LRRC4: variants seen among roughly 807,000 people sequenced by gnomAD.
LRRC4 encodes leucine rich repeat containing 4.
Under a neutral mutation model 37.9 loss-of-function variants are expected in LRRC4, and 11 were observed. That is an observed-to-expected ratio of 0.29 (90% CI 0.18 to 0.48). LRRC4 has a LOEUF of 0.48. LRRC4 is among the 20% of genes least tolerant of loss of function. LRRC4 has a pLI of 0.99. For synonymous variants in LRRC4, 404 were observed against 346.7 expected (o/e 1.17, Z -1.84); for missense variants, 717 against 842.1 (o/e 0.85, Z 1.84).
In LRRC4 at chr7:128,030,663, C is replaced by G; in HGVS notation, c.-23G>C. The stretch of plus-strand genomic sequence containing the variant: ...CATGGTGTGGCACGTTCATAATTCA[C>G]CATCGCCTGGGATTTTGGCTCGGAA... On this transcript the variant is annotated 5_prime_UTR_variant, in exon 2 of 2. Coordinates refer to ENST00000249363, the MANE Select transcript of LRRC4 (RefSeq NM_022143.5). 1.3e-6 allele frequency: 2 copies of G among 1,527,948 alleles called. No individual in the cohort carries two copies. The highest frequency in any genetic ancestry group is 2.6e-5 in the South Asian group (2 of 78,286). 94.6% of individuals were successfully genotyped at this position (1,527,948 alleles called of 1,614,324 possible). A position where few individuals can be genotyped will look rare whatever the true frequency, so the allele number is the denominator to read the frequency against.
At position 128,028,608 on chromosome 7, in the gene LRRC4, C is replaced by T; in HGVS notation, c.*71G>A. On this transcript the variant is annotated 3_prime_UTR_variant, in exon 2 of 2. Transcript: ENST00000249363. ...AGCATATACAAGAAAAAGTCTCTCCCCACTCTGTACAAAAGTTGCTGTCTT... is the reference window on the plus strand; with the variant it reads ...AGCATATACAAGAAAAAGTCTCTCCTCACTCTGTACAAAAGTTGCTGTCTT... The T allele has an allele frequency of 1.4e-6, 2 of 1,424,492 alleles. No individual in the cohort carries two copies. The highest frequency in any genetic ancestry group is 1.9e-6 in the Non-Finnish European group (2 of 1,042,392). The allele number at this position is 1,424,492 out of a possible 1,614,324, so 88.2% of individuals were successfully genotyped here. A position where few individuals can be genotyped will look rare whatever the true frequency, so the allele number is the denominator to read the frequency against.
At chr7:128,031,827 T>G (rs1187090555), upstream of LRRC4, among the ~76,000 whole-genome samples, 2 of 149,446 alleles carry the variant, frequency 1.3e-5, no homozygotes, top group Non-Finnish European at 3.0e-5. Context: ...GCTCCGGCTT[T>G]GTGCGGAGGG....
Position 128,028,547 on chromosome 7 carries a change from CT to C in LRRC4, c.*131del. 1 of 780,154 alleles carries C rather than the reference CT, an allele frequency of 1.3e-6. No individual in the cohort carries two copies. The highest frequency in any genetic ancestry group is 1.9e-6 in the Non-Finnish European group (1 of 519,640). 48.3% of individuals were successfully genotyped at this position (780,154 alleles called of 1,614,324 possible). A position where few individuals can be genotyped will look rare whatever the true frequency, so the allele number is the denominator to read the frequency against. ...TTTTGTCTTTAAATTTTAATATAATCTGTTTTTTTTAACCAGCCCATAGACT... is the reference window on the plus strand; with the variant it reads ...TTTTGTCTTTAAATTTTAATATAATCGTTTTTTTTAACCAGCCCATAGACT... On this transcript the variant is annotated 3_prime_UTR_variant, in exon 2 of 2. Transcript: ENST00000249363.
upstream of LRRC4, chr7:128,031,715 C>CCGGGGGCGGGCGCGGGTCCGGCGG (rs1792610373): frequency 1.4e-5 from 2 of 143,456 alleles, no homozygotes; most frequent in Admixed American, 6.9e-5. Flanking sequence ...TTCAGAGAGT[C>CCGGGGGCGGGCGCGGGTCCGGCGG]CGGGGGCGGG....
Position 128,027,783 on chromosome 7 carries a change from C to G in LRRC4, c.*896G>C, listed in dbSNP as rs551448221. On this transcript the variant is annotated 3_prime_UTR_variant, in exon 2 of 2. Transcript: ENST00000249363. ...ATTTATGGCCTCCTGTGAATACATT[C>G]TCTCTGCTTTACCCTCCCTTCCCAC... 6.6e-6 allele frequency: 1 copy of G among 152,328 alleles called. No individual in the cohort carries two copies. Among genetic ancestry groups the G allele is most frequent in the East Asian group, 1.9e-4 (1 of 5,188 alleles). The allele number at this position is 152,328 out of a possible 1,614,324, so 9.4% of individuals were successfully genotyped here.
rs775828986 is a variant in LRRC4 at position 128,028,646 on chromosome 7, A to G, written c.*33T>C. ...AAGTTGCTGTCTTTGTGTGCATTCT[A>G]TTGCATTTTATAAGTTTTTTGGGGG... On this transcript the variant is annotated 3_prime_UTR_variant, in exon 2 of 2. Transcript: ENST00000249363. 13 of 1,580,842 alleles carry G rather than the reference A, an allele frequency of 8.2e-6. 1 individual carries two copies. The Admixed American group carries it at 1.6e-4, about 19-fold the overall frequency.
chr7:128,030,572 G>A lies in LRRC4; in HGVS notation c.69C>T (p.Tyr23=). ...TWNAILLPFV[Y]LTAQVWILCA... is the part of the protein sequence containing the mutation. ...ACAGAATCCACACTTGCGCCGTGAG[G>A]TAGACGAACGGGAGCAGGATGGCAT... Residue 23 remains tyrosine (Y), a synonymous_variant, in exon 2 of 2, where the codon TAC becomes TAT. Coordinates refer to ENST00000249363, the MANE Select transcript of LRRC4 (RefSeq NM_022143.5). 6.2e-7 allele frequency: 1 copy of A among 1,609,040 alleles called. No homozygotes were observed.
Position 128,029,463 on chromosome 7 carries a change from C to T in LRRC4, c.1178G>A (p.Ser393Asn). ...KWLLPNGTVLSHASRHPRISV... is the reference protein window; with the variant it reads ...KWLLPNGTVLNHASRHPRISV... ...GATCCTTGGGTGGCGGGAGGCGTGG[C>T]TGAGCACTGTCCCATTGGGCAGCAA... The change falls in exon 2 of 2, where the codon AGC becomes AAC. Residue 393 changes from serine (S) to asparagine (N), a missense_variant. Ser to Asn is a conservative substitution (Grantham distance 46, BLOSUM62 1). Around this residue, in one of 5 missense-constraint regions of LRRC4, gnomAD observed 293 missense variants for 268.3 expected, o/e 1.09. Transcript: ENST00000249363. This position sits in a 1 kb window ranked among gnomAD's most constrained non-coding sequence, Gnocchi z 4.2. 1 of 1,614,192 alleles carries T rather than the reference C, an allele frequency of 6.2e-7. No homozygotes were observed. The highest frequency in any genetic ancestry group is 8.5e-7 in the Non-Finnish European group (1 of 1,180,034).
chr7:128,027,710 A>G lies in LRRC4; in HGVS notation c.*969T>C, dbSNP rs1434275435. On this transcript the variant is annotated 3_prime_UTR_variant, in exon 2 of 2. Transcript: ENST00000249363. ...TCATAAAATGCCATCATTGTCTACA[A>G]TCATGTGTCAGAGTCCAGGAACAAC... 2 of 152,236 alleles carry G rather than the reference A, an allele frequency of 1.3e-5. No homozygotes were observed. Among genetic ancestry groups the G allele is most frequent in the East Asian group, 1.9e-4 (1 of 5,200 alleles). 9.4% of individuals were successfully genotyped at this position (152,236 alleles called of 1,614,324 possible).
rs1792592227 is a variant in LRRC4, at chr7:128,031,284, G to A, written c.-472C>T. ...CAGCCGCGGGGGAAGGCGCTTCATC[G>A]CCAAAGTGCGCTCCGGCGGCCCCGG... On this transcript the variant is annotated 5_prime_UTR_variant, in exon 1 of 2. Transcript: ENST00000249363. Among the ~76,000 whole-genome samples, 1 of 145,300 alleles carries A rather than the reference G, an allele frequency of 6.9e-6. No individual in the cohort carries two copies. The highest frequency in any genetic ancestry group is 1.5e-5 in the Non-Finnish European group (1 of 66,012).
rs1803501068 is a variant in LRRC4, at chr7:128,027,225, A to G, written c.*1454T>C. ...TTTTAAAGCTAAAATAATAACTGAAAGAAGTTACATCATTAGATGGACCAG... is the reference window on the plus strand; with the variant it reads ...TTTTAAAGCTAAAATAATAACTGAAGGAAGTTACATCATTAGATGGACCAG... On this transcript the variant is annotated 3_prime_UTR_variant, in exon 2 of 2. Transcript: ENST00000249363. The G allele has an allele frequency of 6.6e-6, 1 of 152,372 alleles. No individual in the cohort carries two copies. Among genetic ancestry groups the G allele is most frequent in the Admixed American group, 6.6e-5 (1 of 15,264 alleles). 9.4% of individuals were successfully genotyped at this position (152,372 alleles called of 1,614,324 possible).
rs148610561 is a variant in LRRC4 at position 128,027,194 on chromosome 7, A to C, written c.*1485T>G. 6.9e-6 allele frequency: 1 copy of C among 144,212 alleles called. No individual in the cohort carries two copies. The highest frequency in any genetic ancestry group is 1.5e-5 in the Non-Finnish European group (1 of 66,276). 8.9% of individuals were successfully genotyped at this position (144,212 alleles called of 1,614,324 possible). On this transcript the variant is annotated 3_prime_UTR_variant, in exon 2 of 2. Coordinates refer to ENST00000249363, the MANE Select transcript of LRRC4 (RefSeq NM_022143.5). ...ACCCCCTTTCAAATCTGAACCCCTT[A>C]TTTCCTTTTAAAGCTAAAATAATAA...
Position 128,030,628 on chromosome 7 carries a change from A to T in LRRC4, c.13T>A (p.Trp5Arg), listed in dbSNP as rs200183455. The change falls in exon 2 of 2, where the codon TGG (tryptophan) becomes AGG (arginine). Residue 5 changes from tryptophan to arginine, a missense_variant. Coordinates refer to ENST00000249363, the MANE Select transcript of LRRC4 (RefSeq NM_022143.5). MKLL[W>R]QVTVHHHTWN... is the part of the protein sequence containing the mutation. ...GTGTGGTGGTGCACAGTTACCTGCC[A>T]CAAGAGCTTCATGGTGTGGCACGTT... is the stretch of plus-strand genomic sequence containing the variant. The T allele has an allele frequency of 5.8e-6, 9 of 1,560,888 alleles. No homozygotes were observed. Among genetic ancestry groups the T allele is most frequent in the Non-Finnish European group, 7.0e-6 (8 of 1,149,830 alleles).
rs968166499 is a variant in LRRC4 at position 128,030,230 on chromosome 7, G to T, written c.411C>A (p.Val137=). 5.0e-6 allele frequency: 8 copies of T among 1,614,120 alleles called. No homozygotes were observed. In the African/African-American group the frequency reaches 1.1e-4, roughly 22 times the overall value. The change falls in exon 2 of 2, where the codon GTC becomes GTA. Residue 137 remains valine (V), a synonymous_variant. Coordinates refer to ENST00000249363, the MANE Select transcript of LRRC4 (RefSeq NM_022143.5). The stretch of plus-strand genomic sequence containing the variant: ...GGTATTCAAAGGCCCCGCTAGGGAT[G>T]ACTGTCAGCCAGTTGTCGAACAGCT... ...TLELFDNWLT[V]IPSGAFEYLS...
Position 128,029,147 on chromosome 7 carries a change from G to C in LRRC4, c.1494C>G (p.Thr498=). ...TTSTTVLIQT[T]RVPKQVAVPA... ...GTACTGCCACCTGCTTGGGCACACG[G>C]GTAGTCTGAATGAGCACCGTGGTAG... Residue 498 remains threonine (T), a synonymous_variant, in exon 2 of 2, where the codon ACC becomes ACG. Transcript: ENST00000249363. This position sits in a 1 kb window ranked among gnomAD's most constrained non-coding sequence, Gnocchi z 4.2. The C allele has an allele frequency of 6.2e-7, 1 of 1,614,110 alleles. No homozygotes were observed. The highest frequency in any genetic ancestry group is 8.5e-7 in the Non-Finnish European group (1 of 1,180,024).
In LRRC4 at chr7:128,029,169, G is replaced by A; in HGVS notation, c.1472C>T (p.Thr491Ile). 2.5e-6 allele frequency: 4 copies of A among 1,614,130 alleles called. No individual in the cohort carries two copies. The highest frequency in any genetic ancestry group is 3.4e-6 in the Non-Finnish European group (4 of 1,180,032). The change falls in exon 2 of 2, where the codon ACC (threonine) becomes ATC (isoleucine). Residue 491 changes from threonine (T) to isoleucine (I), a missense_variant. By Grantham distance (89) the Thr-to-Ile change is moderately conservative. This residue lies in a region of LRRC4 where 293 missense variants were observed against 268.3 expected (regional missense o/e 1.09). Transcript: ENST00000249363. This position sits in a 1 kb window ranked among gnomAD's most constrained non-coding sequence, Gnocchi z 4.2. ...ACGGGTAGTCTGAATGAGCACCGTG[G>A]TAGAGGTGGTATATGCCGGCTGGTA... Reference protein sequence around the residue: ...TGYQPAYTTSTTVLIQTTRVP... With the variant: ...TGYQPAYTTSITVLIQTTRVP...
Position 128,029,059 on chromosome 7 carries a change from T to C in LRRC4, c.1582A>G (p.Ile528Val). Residue 528 changes from isoleucine to valine, a missense_variant, in exon 2 of 2, where the codon ATC becomes GTC. By Grantham distance (29) the Ile-to-Val change is conservative. Transcript: ENST00000249363. This position sits in a 1 kb window ranked among gnomAD's most constrained non-coding sequence, Gnocchi z 4.2. ...ACTGCCACAAAGCAGCCAATGATGA[T>C]CTTGGTGGTCTTCATGACTTCATCC... ...SLDEVMKTTK[I>V]IIGCFVAVTL... 2 of 1,614,086 alleles carry C rather than the reference T, an allele frequency of 1.2e-6. No homozygotes were observed. Among genetic ancestry groups the C allele is most frequent in the Non-Finnish European group, 1.7e-6 (2 of 1,180,024 alleles).
Position 128,028,628 on chromosome 7 carries a change from T to C in LRRC4, c.*51A>G, listed in dbSNP as rs1803551314. On this transcript the variant is annotated 3_prime_UTR_variant, in exon 2 of 2. Transcript: ENST00000249363. ...TCTCCCCACTCTGTACAAAAGTTGC[T>C]GTCTTTGTGTGCATTCTATTGCATT... 1.3e-6 allele frequency: 2 copies of C among 1,529,366 alleles called. No individual in the cohort carries two copies. The highest frequency in any genetic ancestry group is 1.4e-5 in the African/African-American group (1 of 72,238). The allele number at this position is 1,529,366 out of a possible 1,614,324, so 94.7% of individuals were successfully genotyped here. A position where few individuals can be genotyped will look rare whatever the true frequency, so the allele number is the denominator to read the frequency against.
chr7:128,032,087 C>T (rs1792633578), upstream of LRRC4: 1 of 151,936 alleles, frequency 6.6e-6, no homozygotes, highest in Admixed American at 6.6e-5. Flanking sequence ...TCCTTTTGTC[C>T]TTCAGTCAGA....
Sources: allele counts gnomAD v4.1 joint callset (sites outside exome capture counted in the v4.1 genomes callset), GRCh38; gene constraint gnomAD v4.1.1; regional missense constraint gnomAD v4.1.1; non-coding constraint Gnocchi (gnomAD v3.1); transcripts MANE v1.5; gene names NCBI Gene and HGNC (gene_info 2026-07-23, HGNC 2026-07-21).